ZNF600: variants seen among roughly 807,000 people sequenced by gnomAD.
The protein encoded by ZNF600 is zinc finger protein KR-ZNF1.
Under a neutral mutation model 7.3 loss-of-function variants are expected in ZNF600, and 4 were observed. The ratio of observed to expected loss-of-function variants is 0.55; its 90% confidence interval spans 0.27 to 1.25. The LOEUF is 1.25. Among genes scored for constraint, ZNF600 ranks in the 50% most tolerant of loss-of-function variants. The pLI is 0.12. For missense variants in ZNF600, 911 were observed against 922.1 expected (o/e 0.99, Z 0.16); for synonymous variants, 290 against 308.9 (o/e 0.94, Z 0.64).
At chr19:52,775,475 G>A (rs528684452) in intron 2 of ZNF600, among the ~76,000 whole-genome samples, 7 of 149,954 alleles carry the variant, frequency 4.7e-5, no homozygotes, top group Admixed American at 2.7e-4. Context: ...GCATGAATCC[G>A]AGAGGTGGAG....
the ZNF600 span, among the ~76,000 whole-genome samples, chr19:52,825,912 T>A: frequency 6.6e-6 from 1 of 152,168 alleles, no homozygotes; most frequent in African/African-American, 2.4e-5. Context: ...CACTTGAACC[T>A]GGAGGAAAGA....
the ZNF600 span, among the ~76,000 whole-genome samples, chr19:52,796,188 A>G: frequency 6.6e-6 from 1 of 152,120 alleles, no homozygotes; most frequent in Non-Finnish European, 1.5e-5. Flanking sequence ...AAAAATGACA[A>G]AAGAGGAAAC....
the ZNF600 span, among the ~76,000 whole-genome samples, chr19:52,795,449 T>C: frequency 6.6e-5 from 10 of 150,698 alleles, no homozygotes; most frequent in Non-Finnish European, 1.3e-4. Context: ...GTTAAAAAAA[T>C]ATATATATAT....
At chr19:52,803,049 C>A in the ZNF600 span, among the ~76,000 whole-genome samples, 1 of 151,634 alleles carries the variant, frequency 6.6e-6, no homozygotes, top group Non-Finnish European at 1.5e-5. Flanking sequence ...GCATGAGCCA[C>A]CGCACACGGC....
rs189986224 is a variant in ZNF600, at chr19:52,783,658, G to A, written c.-20+2937C>T. ...TTACAAGCGTGAGCCACTGCACCTGGCCTCCCTTCGGCATTCTATACATAG... is the reference window on the plus strand; with the variant it reads ...TTACAAGCGTGAGCCACTGCACCTGACCTCCCTTCGGCATTCTATACATAG... On this transcript the variant is annotated intron_variant, in intron 1 of 3. Transcript: ENST00000648973. Among the ~76,000 whole-genome samples, 32 of 152,272 alleles carry A rather than the reference G, an allele frequency of 2.1e-4. No homozygotes were observed. In the South Asian group the frequency reaches 6.0e-3, roughly 29 times the overall value.
chr19:52,778,978 A>C, intron 1 of ZNF600, 71 bp from the exon 4 acceptor site: 4 of 1,416,998 alleles, frequency 2.8e-6, no homozygotes, highest in Non-Finnish European at 1.9e-6. Context: ...AACCACATGA[A>C]CAGGGGAGAC....
At chr19:52,800,539 C>T in the ZNF600 span, 1 of 1,613,442 alleles carries the variant, frequency 6.2e-7, no homozygotes, top group Non-Finnish European at 8.5e-7. Flanking sequence ...TAAGGCTTCT[C>T]TCCAGTGTGA....
chr19:52,776,315 G>C (rs570376071), intron 2 of ZNF600, among the ~76,000 whole-genome samples: 1 of 151,984 alleles, frequency 6.6e-6, no homozygotes, highest in Non-Finnish European at 1.5e-5. Flanking sequence ...ATCTAGTGGA[G>C]AGAATGTGAC....
the ZNF600 span, among the ~76,000 whole-genome samples, chr19:52,817,383 A>T: frequency 6.6e-6 from 1 of 152,190 alleles, no homozygotes; most frequent in African/African-American, 2.4e-5. Flanking sequence ...AAAAAAAATA[A>T]TAATAATGAA....
At chr19:52,802,766 T>C in the ZNF600 span, among the ~76,000 whole-genome samples, 1 of 151,382 alleles carries the variant, frequency 6.6e-6, no homozygotes, top group African/African-American at 2.4e-5. Context: ...TGTGACTTTT[T>C]TTTTTTTTTT....
the ZNF600 span, among the ~76,000 whole-genome samples, chr19:52,811,421 G>A: frequency 1.4e-5 from 2 of 146,876 alleles, no homozygotes; most frequent in South Asian, 4.3e-4. Context: ...GTCTCTGCCC[G>A]GCCGCCATCC....
At chr19:52,830,302 A>C in the ZNF600 span, among the ~76,000 whole-genome samples, 1 of 152,138 alleles carries the variant, frequency 6.6e-6, no homozygotes, top group Non-Finnish European at 1.5e-5. Flanking sequence ...AATCTGGAGA[A>C]AAATTAACAT....
the ZNF600 span, among the ~76,000 whole-genome samples, chr19:52,813,245 T>G: frequency 5.6e-5 from 2 of 35,928 alleles, no homozygotes; most frequent in South Asian, 1.8e-3. Context: ...AAAACTTGAA[T>G]GGTGAAAAAA....
chr19:52,821,660 A>C, the ZNF600 span: 1 of 152,144 alleles, frequency 6.6e-6, no homozygotes, highest in Non-Finnish European at 1.5e-5. Context: ...GCAGGACAGA[A>C]ACCAGGCCTG....
At chr19:52,823,783 C>T in the ZNF600 span, among the ~76,000 whole-genome samples, 1 of 152,072 alleles carries the variant, frequency 6.6e-6, no homozygotes. Context: ...CCACTTCAGG[C>T]CAGGCGCGGT....
intron 2 of ZNF600, among the ~76,000 whole-genome samples, chr19:52,778,044 C>G (rs367617332): frequency 5.9e-5 from 9 of 152,014 alleles, no homozygotes; most frequent in African/African-American, 1.9e-4. Flanking sequence ...GACAGAGTCT[C>G]ACTCTGTCTC....
At chr19:52,768,847 A>T (rs144402694) in intron 3 of ZNF600, among the ~76,000 whole-genome samples, 5,035 of 152,298 alleles carry the variant, frequency 0.033, 276 homozygotes, top group African/African-American at 0.11. Context: ...GATCATAGAC[A>T]TGATTATATA....
At chr19:52,770,584 T>C (rs1350636290) in intron 3 of ZNF600, among the ~76,000 whole-genome samples, 2 of 152,178 alleles carry the variant, frequency 1.3e-5, no homozygotes, top group African/African-American at 4.8e-5. Flanking sequence ...GCGTAAGATA[T>C]AAAACATAGA....
At chr19:52,829,985 T>C in the ZNF600 span, among the ~76,000 whole-genome samples, 3 of 152,146 alleles carry the variant, frequency 2.0e-5, no homozygotes, top group Admixed American at 2.0e-4. Context: ...TTTAAAAACC[T>C]GGAGGCAGCT....
Sources: gnomAD v4.1 joint callset for allele counts (sites outside exome capture counted in the v4.1 genomes callset) on GRCh38, gnomAD v4.1.1 for gene constraint, MANE v1.5 for transcripts, NCBI Gene and HGNC (gene_info 2026-07-23, HGNC 2026-07-21) for gene names.